KLC1: variants seen among roughly 807,000 people sequenced by gnomAD.
The protein encoded by KLC1 is kinesin 2 60/70kDa.
KLC1 carries 30 observed loss-of-function variants against 84.2 expected under a neutral mutation model. The ratio of observed to expected loss-of-function variants is 0.36; its 90% CI spans 0.27 to 0.48. The LOEUF is 0.48. Ranked by LOEUF, KLC1 falls within the 20% of genes least tolerant of loss-of-function variation. KLC1 has a pLI of 0.99. For missense variants in KLC1, 499 were observed against 805.4 expected (o/e 0.62, Z 4.60); for synonymous variants, 289 against 293.3 (o/e 0.99, Z 0.15).
At chr14:103,634,461 T>G (rs906700751) in intron 1 of KLC1, among the ~76,000 whole-genome samples, 1 of 152,160 alleles carries the variant, frequency 6.6e-6, no homozygotes, top group Non-Finnish European at 1.5e-5. Context: ...GGCAGCCAAG[T>G]GGACTAGTGG....
intron 1 of KLC1, among the ~76,000 whole-genome samples, chr14:103,639,585 GGC>G (rs1181008182): frequency 6.6e-6 from 1 of 152,018 alleles, no homozygotes; most frequent in African/African-American, 2.4e-5. Context: ...TGGGACCACA[GGC>G]GTGTGCCACC....
chr14:103,677,051 C>T (rs1325653367), intron 11 of KLC1, among the ~76,000 whole-genome samples: 3 of 152,180 alleles, frequency 2.0e-5, no homozygotes, highest in South Asian at 2.1e-4. Context: ...CACTGTTCGT[C>T]GTTACTGTCA....
At chr14:103,663,463 T>C (rs1377848894) in intron 5 of KLC1, among the ~76,000 whole-genome samples, 2 of 152,176 alleles carry the variant, frequency 1.3e-5, no homozygotes, top group Non-Finnish European at 2.9e-5. Flanking sequence ...TTGTTTAGAA[T>C]AGACCACAGT....
chr14:103,646,408 T>G (rs1433745946), intron 1 of KLC1, among the ~76,000 whole-genome samples: 1 of 152,134 alleles, frequency 6.6e-6, no homozygotes, highest in Non-Finnish European at 1.5e-5. Context: ...TCAAGCCATC[T>G]TCCCACTTCA....
intron 15 of KLC1, chr14:103,697,005 G>T: frequency 2.0e-6 from 2 of 985,472 alleles, no homozygotes; most frequent in African/African-American, 3.5e-5. Context: ...GGCGGGGCCG[G>T]CCGAGCTTCC....
intron 12 of KLC1, among the ~76,000 whole-genome samples, chr14:103,679,122 CTAGGTA>C (rs1426114895): frequency 6.6e-6 from 1 of 152,038 alleles, no homozygotes; most frequent in Non-Finnish European, 1.5e-5. Flanking sequence ...AGTTGCAGTC[CTAGGTA>C]TAGACCCAGA....
chr14:103,647,600 A>G (rs1196092144), intron 1 of KLC1, among the ~76,000 whole-genome samples: 1 of 151,720 alleles, frequency 6.6e-6, no homozygotes, highest in East Asian at 2.0e-4. Context: ...TGGCATGGCC[A>G]GGCATGGTGG....
intron 15 of KLC1, chr14:103,696,740 G>C (rs1339120897): frequency 1.0e-6 from 1 of 985,470 alleles, no homozygotes; most frequent in African/African-American, 1.7e-5. Context: ...GAACTTAAGC[G>C]GTTTTAGTGT....
intron 1 of KLC1, among the ~76,000 whole-genome samples, chr14:103,637,678 T>G (rs1017150602): frequency 1.3e-5 from 2 of 152,196 alleles, no homozygotes; most frequent in Non-Finnish European, 1.5e-5. Context: ...TGTCTGGTTG[T>G]TAATGTTTTC....
chr14:103,700,742 C>G lies in KLC1; in HGVS notation c.*1+15C>G. ...CCACCGCTAACGTGAGTCCCACGGC[C>G]TGCAGCCCCAGGAAGCAGGCAGCTG... On this transcript the variant is annotated intron_variant, in intron 16 of 16. Transcript: ENST00000334553. The G allele has an allele frequency of 5.8e-6, 9 of 1,561,580 alleles. No individual in the cohort carries two copies. Among genetic ancestry groups the G allele is most frequent in the Non-Finnish European group, 7.8e-6 (9 of 1,153,094 alleles).
chr14:103,637,930 A>G (rs1020676424), intron 1 of KLC1, among the ~76,000 whole-genome samples: 3 of 152,024 alleles, frequency 2.0e-5, no homozygotes, highest in Non-Finnish European at 2.9e-5. Context: ...GGCTCAAATG[A>G]TCTGCTCTCC....
intron 1 of KLC1, among the ~76,000 whole-genome samples, chr14:103,640,453 C>T (rs1022690033): frequency 1.3e-5 from 2 of 151,930 alleles, no homozygotes; most frequent in Non-Finnish European, 2.9e-5. Context: ...CGTCACCTCC[C>T]GGGTTCACGC....
intron 15 of KLC1, chr14:103,698,351 T>G (rs992090212): frequency 4.4e-6 from 1 of 226,038 alleles, no homozygotes; most frequent in East Asian, 1.2e-4. Context: ...GACTGCCCTG[T>G]GTGCAGGAGG....
intron 15 of KLC1, chr14:103,698,542 G>C: frequency 1.8e-6 from 1 of 543,964 alleles, no homozygotes. Flanking sequence ...CCAAGGGCCA[G>C]CTCAGCAGTG....
At chr14:103,630,734 G>A (rs1438137983) in intron 1 of KLC1, among the ~76,000 whole-genome samples, 2 of 152,184 alleles carry the variant, frequency 1.3e-5, no homozygotes, top group African/African-American at 4.8e-5. Flanking sequence ...CTAAATATTT[G>A]TAGGAATACA....
At chr14:103,696,508 C>T in intron 15 of KLC1, 2 of 985,300 alleles carry the variant, frequency 2.0e-6, no homozygotes, top group Non-Finnish European at 2.4e-6. Context: ...ATTGTCATAA[C>T]TGTATGGAAT....
intron 5 of KLC1, among the ~76,000 whole-genome samples, chr14:103,666,076 T>C (rs2151617915): frequency 6.6e-6 from 1 of 152,048 alleles, no homozygotes; most frequent in African/African-American, 2.4e-5. Context: ...CTTCTTTTTG[T>C]TTTTTTTGAG....
In KLC1 at chr14:103,695,245, C is replaced by T. The variant is rs532190381; in HGVS notation, c.1848+2820C>T. On this transcript the variant is annotated intron_variant, in intron 15 of 16. Transcript: ENST00000334553. ...TTGGGAGGCTGAGGCGGGAGGATCA[C>T]TTGAGCCCAGTTCAAGAACAGCTTG... The T allele has an allele frequency of 1.3e-4, 92 of 713,072 alleles. No individual in the cohort carries two copies. In the African/African-American group the frequency reaches 1.7e-3, roughly 13 times the overall value. 44.2% of individuals were successfully genotyped at this position (713,072 alleles called of 1,614,324 possible).
At chr14:103,646,402 G>A (rs1310641788) in intron 1 of KLC1, among the ~76,000 whole-genome samples, 2 of 152,064 alleles carry the variant, frequency 1.3e-5, no homozygotes, top group Non-Finnish European at 2.9e-5. Context: ...CTGGGCTCAA[G>A]CCATCTTCCC....
Sources: allele counts gnomAD v4.1 joint callset (sites outside exome capture counted in the v4.1 genomes callset), GRCh38; gene constraint gnomAD v4.1.1; transcripts MANE v1.5; gene names NCBI Gene and HGNC (gene_info 2026-07-23, HGNC 2026-07-21).